The following COBLL1 variants were observed in gnomAD, a reference collection of about 807,000 sequenced individuals.
COBLL1 encodes the protein cordon-bleu WH2 repeat protein like 1.
In COBLL1, 50 loss-of-function variants were observed where a neutral mutation model predicts 94.8. The observed-to-expected ratio is 0.53, with a 90% CI of 0.42 to 0.67. The LOEUF (loss-of-function observed/expected upper bound fraction) is 0.67. Among genes scored for constraint, COBLL1 ranks in the 30% least tolerant of loss-of-function variants. The probability of loss-of-function intolerance (pLI) is 0.00; values close to 1 mark genes in which losing one functional copy is unlikely to be tolerated. For missense variants in COBLL1, 1,362 were observed against 1,348.7 expected, an observed-to-expected ratio of 1.01 and a Z score of -0.15; for synonymous variants, 448 against 473.8, an observed-to-expected ratio of 0.95 and a Z score of 0.71.
intron 2 of COBLL1, among the ~76,000 whole-genome samples, chr2:164,820,946 G>T (rs6749295): frequency 0.039 from 5,923 of 152,198 alleles, 375 homozygotes; most frequent in African/African-American, 0.13. Flanking sequence ...GGAGTGCAGT[G>T]GCGTGATCTT....
At chr2:164,811,375 C>T (rs547785367) in intron 2 of COBLL1, among the ~76,000 whole-genome samples, 5 of 152,024 alleles carry the variant, frequency 3.3e-5, no homozygotes, top group South Asian at 2.1e-4. Flanking sequence ...TTTTACCATA[C>T]GCAAATTGTG....
chr2:164,729,959 C>T lies in COBLL1; in HGVS notation c.387G>A (p.Lys129=), dbSNP rs1052584005. ...GTTTTTTCTTATCCAACATTTTTGG[C>T]TTTAAAATTACCTTCTCTACCTCCA... ...GMLEVEKVIL[K]PKMLDKKKPT... The change falls in exon 4 of 14, where the codon AAG becomes AAA. Residue 129 remains lysine (K), a synonymous_variant. Transcript: ENST00000652658. The T allele has an allele frequency of 4.3e-6, 7 of 1,613,920 alleles. No individual in the cohort carries two copies. Among genetic ancestry groups the T allele is most frequent in the Non-Finnish European group, 5.9e-6 (7 of 1,179,920 alleles).
chr2:164,796,516 C>A (rs1683465160), intron 2 of COBLL1, among the ~76,000 whole-genome samples: 1 of 151,990 alleles, frequency 6.6e-6, no homozygotes. Context: ...GGAATAAACT[C>A]TGCAGAAGTT....
chr2:164,701,449 T>C (rs1411718434), intron 9 of COBLL1, among the ~76,000 whole-genome samples: 1 of 152,212 alleles, frequency 6.6e-6, no homozygotes, highest in Non-Finnish European at 1.5e-5. Flanking sequence ...CAGAGGCAAC[T>C]TGCTTTAACA....
chr2:164,664,938 TA>T (rs1411510629), intron 2 of COBLL1, among the ~76,000 whole-genome samples: 1 of 151,948 alleles, frequency 6.6e-6, no homozygotes, highest in Non-Finnish European at 1.5e-5. Flanking sequence ...AGGGTGCCTT[TA>T]AAAAAATACA....
At chr2:164,803,582 T>TAAAATAAAATAAAATAAAATA (rs145038455) in intron 2 of COBLL1, among the ~76,000 whole-genome samples, 382 of 146,376 alleles carry the variant, frequency 2.6e-3, no homozygotes, top group Non-Finnish European at 4.8e-3. Context: ...AATAAATAAA[T>TAAAATAAAATAAAATAAAATA]AAATAAAATA....
intron 3 of COBLL1, among the ~76,000 whole-genome samples, chr2:164,734,929 G>C (rs1485765802): frequency 6.6e-6 from 1 of 152,174 alleles, no homozygotes; most frequent in African/African-American, 2.4e-5. Flanking sequence ...GAGGTGGTAA[G>C]GCATAAAGTC....
chr2:164,800,665 T>C, intron 2 of COBLL1: 1 of 659,910 alleles, frequency 1.5e-6, no homozygotes, highest in Non-Finnish European at 2.7e-6. Flanking sequence ...TGGTATTCAA[T>C]GGGTGAATGG....
intron 4 of COBLL1, 25 bp downstream of exon 4, chr2:164,729,889 T>G: frequency 6.3e-7 from 1 of 1,581,014 alleles, no homozygotes; most frequent in Non-Finnish European, 8.7e-7. Flanking sequence ...GAATAAGACA[T>G]CAAAATATAT....
At chr2:164,718,116 A>G (rs747526468) in intron 7 of COBLL1, 22 of 320,820 alleles carry the variant, frequency 6.9e-5, no homozygotes, top group Non-Finnish European at 9.0e-5. Context: ...ATTTTACGAT[A>G]TAAGTGTGAC....
intron 2 of COBLL1, among the ~76,000 whole-genome samples, chr2:164,762,193 C>T (rs892426474): frequency 2.0e-5 from 3 of 152,176 alleles, no homozygotes; most frequent in African/African-American, 7.2e-5. Flanking sequence ...TAATTATAGG[C>T]TTAATCCTTC....
intron 2 of COBLL1, among the ~76,000 whole-genome samples, chr2:164,821,235 C>G (rs1420859630): frequency 1.3e-5 from 2 of 152,030 alleles, no homozygotes; most frequent in Non-Finnish European, 2.9e-5. Flanking sequence ...TGAATGTGAC[C>G]TGACATGAAG....
rs1487151110 is a variant in COBLL1 at position 164,695,243 on chromosome 2, G to T, written c.2149C>A (p.Pro717Thr). The T allele has an allele frequency of 6.2e-7, 1 of 1,613,926 alleles. No individual in the cohort carries two copies. Among genetic ancestry groups the T allele is most frequent in the Admixed American group, 1.7e-5 (1 of 59,990 alleles). Residue 717 changes from proline (P) to threonine (T), a missense_variant, in exon 12 of 14, where the codon CCT becomes ACT. Physicochemically the swap from Pro to Thr is conservative, Grantham distance 38 (BLOSUM62 -1). Transcript: ENST00000652658. ...TACTCTCGTGTAATTTCATTTGAAG[G>T]TTTTGGCTTGGGATTGTAGTCCTGT... ...YRQDYNPKPK[P>T]SNEITREYIP...
At chr2:164,762,545 T>A (rs1488294072) in intron 2 of COBLL1, among the ~76,000 whole-genome samples, 2 of 152,206 alleles carry the variant, frequency 1.3e-5, no homozygotes, top group Non-Finnish European at 2.9e-5. Context: ...TCTCGTTTAA[T>A]CAATATATCA....
rs561280707 is a variant in COBLL1 at position 164,682,452 on chromosome 2, T to C, written c.*3494A>G. On this transcript the variant is annotated 3_prime_UTR_variant, in exon 14 of 14. Transcript: ENST00000652658. ...CATAATTGTATCAATTGGGACGCTTTGGGTTTTAAGCACCTATAAGTAACT... is the reference window on the plus strand; with the variant it reads ...CATAATTGTATCAATTGGGACGCTTCGGGTTTTAAGCACCTATAAGTAACT... The C allele has an allele frequency of 6.6e-6, 1 of 152,324 alleles. No homozygotes were observed. Among genetic ancestry groups the C allele is most frequent in the South Asian group, 2.1e-4 (1 of 4,826 alleles). The allele number at this position is 152,324 out of a possible 1,614,324, so 9.4% of individuals were successfully genotyped here.
rs763248967 is a variant in COBLL1 at position 164,700,695 on chromosome 2, C to T, written c.1287G>A (p.Val429=). ...AAATATTTTCAGCTTCAACTTTAGGCACTTCACTCAGTTCTTCCTTTTCAT... is the reference window on the plus strand; with the variant it reads ...AAATATTTTCAGCTTCAACTTTAGGTACTTCACTCAGTTCTTCCTTTTCAT... ...EIDEKEELSE[V]PKVEAENISP... Residue 429 remains valine (V), a synonymous_variant, in exon 10 of 14, where the codon GTG becomes GTA. Transcript: ENST00000652658. The T allele has an allele frequency of 8.7e-6, 14 of 1,613,370 alleles. No individual in the cohort carries two copies. The highest frequency in any genetic ancestry group is 1.2e-5 in the Non-Finnish European group (14 of 1,179,582).
chr2:164,690,927 A>G (rs1214753984), intron 13 of COBLL1, among the ~76,000 whole-genome samples: 2 of 152,198 alleles, frequency 1.3e-5, no homozygotes, highest in Non-Finnish European at 2.9e-5. Flanking sequence ...AAGGGCATTT[A>G]TCCTCCTCTA....
chr2:164,796,443 T>A (rs1289548499), intron 2 of COBLL1, among the ~76,000 whole-genome samples: 1 of 152,172 alleles, frequency 6.6e-6, no homozygotes, highest in Non-Finnish European at 1.5e-5. Context: ...CAGCATTTCA[T>A]CTTGGTATAA....
intron 2 of COBLL1, among the ~76,000 whole-genome samples, chr2:164,818,659 G>A (rs368776932): frequency 6.1e-5 from 9 of 148,224 alleles, no homozygotes; most frequent in South Asian, 2.1e-4. Flanking sequence ...CATATATAGC[G>A]TATATGTACA....
Sources: gnomAD v4.1 joint callset for allele counts (sites outside exome capture counted in the v4.1 genomes callset) on GRCh38, gnomAD v4.1.1 for gene constraint, MANE v1.5 for transcripts, NCBI Gene and HGNC (gene_info 2026-07-23, HGNC 2026-07-21) for gene names.